The following CHD2 variants were observed in gnomAD, a reference collection of about 807,000 sequenced individuals.
The protein encoded by CHD2 is chromodomain helicase DNA binding protein 2.
Under a neutral mutation model 243.9 loss-of-function variants are expected in CHD2, and 28 were observed. That is an observed-to-expected ratio of 0.11 (90% CI 0.09 to 0.16). The LOEUF is 0.16. Ranked by LOEUF, CHD2 falls within the 10% of genes least tolerant of loss-of-function variation. The probability of loss-of-function intolerance (pLI) is 1.00; values close to 1 mark genes in which losing one functional copy is unlikely to be tolerated. For missense variants in CHD2, 1,386 were observed against 2,209.8 expected (o/e 0.63, Z 7.47); for synonymous variants, 775 against 779.0 (o/e 0.99, Z 0.09).
At chr15:93,012,903 G>C (rs1370438181) in intron 36 of CHD2, among the ~76,000 whole-genome samples, 1 of 152,242 alleles carries the variant, frequency 6.6e-6, no homozygotes, top group Non-Finnish European at 1.5e-5. Context: ...GATGGGTGCA[G>C]AAGTGACATG....
At chr15:92,965,802 A>C (rs1343287646) in intron 16 of CHD2, among the ~76,000 whole-genome samples, 2 of 152,060 alleles carry the variant, frequency 1.3e-5, no homozygotes, top group Non-Finnish European at 2.9e-5. Context: ...AGGCAGGTGA[A>C]AATATTTGTT....
At chr15:92,973,756 G>A (rs533798024) in intron 19 of CHD2, among the ~76,000 whole-genome samples, 8 of 152,224 alleles carry the variant, frequency 5.3e-5, no homozygotes, top group Admixed American at 2.0e-4. Flanking sequence ...AGAATGCATC[G>A]TTTTTCTCTC....
intron 2 of CHD2, among the ~76,000 whole-genome samples, chr15:92,911,562 A>G (rs28590319): frequency 0.23 from 35,116 of 151,992 alleles, 4,723 homozygotes; most frequent in East Asian, 0.62. Context: ...ACATGGTGAA[A>G]CCCTGTGTCT....
chr15:92,956,361 C>A, intron 15 of CHD2, 98 bp from the exon 16 acceptor site: 1 of 853,686 alleles, frequency 1.2e-6, no homozygotes, highest in Non-Finnish European at 1.9e-6. Flanking sequence ...TCAATTTATA[C>A]CTTTGTAATG....
intron 10 of CHD2, chr15:92,945,322 AG>A (rs1165291446): frequency 2.6e-5 from 4 of 152,298 alleles, no homozygotes; most frequent in Non-Finnish European, 4.4e-5. Context: ...TTTCTTACAA[AG>A]GGGAACAGAG....
chr15:92,957,913 T>C (rs1173568389), intron 16 of CHD2, among the ~76,000 whole-genome samples: 1 of 152,192 alleles, frequency 6.6e-6, no homozygotes, highest in Non-Finnish European at 1.5e-5. Flanking sequence ...AGTGGAATCC[T>C]AATATGTAGG....
At chr15:92,974,591 G>A (rs2053883420) in intron 19 of CHD2, 1 of 298,452 alleles carries the variant, frequency 3.4e-6, no homozygotes, top group African/African-American at 2.2e-5. Context: ...CACAGGTTGG[G>A]TTTTCGTCTT....
chr15:92,957,653 T>C (rs1038957386), intron 16 of CHD2, among the ~76,000 whole-genome samples: 28 of 146,280 alleles, frequency 1.9e-4, no homozygotes, highest in African/African-American at 6.7e-4. Flanking sequence ...CTCTACAATC[T>C]TTTTTTTTTT....
intron 38 of CHD2, 200 bp downstream of exon 38, chr15:93,020,458 G>C (rs2054520832): frequency 3.0e-6 from 2 of 659,744 alleles, no homozygotes; most frequent in Non-Finnish European, 5.1e-6. Context: ...CATTTCACCT[G>C]TGCAGGAAAA....
At chr15:92,981,987 A>C (rs543755376) in intron 24 of CHD2, among the ~76,000 whole-genome samples, 3 of 152,242 alleles carry the variant, frequency 2.0e-5, no homozygotes, top group Admixed American at 2.0e-4. Context: ...CAGAGTATCA[A>C]TGTTATTAAA....
intron 5 of CHD2, among the ~76,000 whole-genome samples, chr15:92,930,499 C>G (rs569118088): frequency 1.0e-3 from 153 of 152,244 alleles, no homozygotes; most frequent in African/African-American, 3.7e-3. Context: ...GTGGCTTGAT[C>G]TCAGCTCACT....
At chr15:92,941,687 G>A (rs995222483) in intron 7 of CHD2, 135 bp from the exon 8 acceptor site, 14 of 847,618 alleles carry the variant, frequency 1.7e-5, no homozygotes, top group Non-Finnish European at 2.2e-5. Flanking sequence ...TGAGCCTACT[G>A]TAAATGGCAG....
chr15:92,977,610 T>TG (rs201915192), intron 20 of CHD2, among the ~76,000 whole-genome samples: 1,699 of 152,338 alleles, frequency 0.011, 29 homozygotes, highest in African/African-American at 0.039. Flanking sequence ...CTACTGTCAT[T>TG]GCTGTGGATA....
At chr15:92,913,543 C>T (rs2052780309) in intron 2 of CHD2, among the ~76,000 whole-genome samples, 1 of 152,154 alleles carries the variant, frequency 6.6e-6, no homozygotes, top group Non-Finnish European at 1.5e-5. Flanking sequence ...AACAAATTAT[C>T]CAGCCTCAGG....
intron 13 of CHD2, among the ~76,000 whole-genome samples, chr15:92,950,112 G>T (rs150941202): frequency 2.0e-5 from 3 of 152,320 alleles, no homozygotes; most frequent in Admixed American, 6.5e-5. Context: ...GCCTGGGCAC[G>T]TTCGGACATG....
Position 92,912,651 on chromosome 15 carries a change from A to C in CHD2, c.62+11352A>C, listed in dbSNP as rs150872746. ...TGGGTTCAAGTGATTCTCCTGCCTC[A>C]GCCTTCTGAGTAGCTGGGACCACAG... On this transcript the variant is annotated intron_variant, in intron 2 of 38. Coordinates refer to ENST00000394196, the MANE Select transcript of CHD2 (RefSeq NM_001271.4). Among the ~76,000 whole-genome samples the C allele has an allele frequency of 5.0e-3, 768 of 152,346 alleles. 9 individuals carry two copies. Among genetic ancestry groups the C allele is most frequent in the African/African-American group, 0.018 (748 of 41,574 alleles).
chr15:93,014,189 C>G (rs909086814), intron 36 of CHD2, among the ~76,000 whole-genome samples: 1 of 151,892 alleles, frequency 6.6e-6, no homozygotes. Context: ...GGATTTGGGT[C>G]ACTTTATTTT....
chr15:92,984,898 A>G (rs1049900426), intron 25 of CHD2, among the ~76,000 whole-genome samples: 13 of 152,266 alleles, frequency 8.5e-5, no homozygotes, highest in Admixed American at 5.9e-4. Context: ...TTATATAACT[A>G]TAAATAAGAA....
At chr15:92,942,536 T>G (rs1379547900) in intron 8 of CHD2, among the ~76,000 whole-genome samples, 1 of 152,014 alleles carries the variant, frequency 6.6e-6, no homozygotes, top group Non-Finnish European at 1.5e-5. Flanking sequence ...GAGGGATTTG[T>G]TTTCCGAGTT....
Sources: gnomAD v4.1 joint callset for allele counts (sites outside exome capture counted in the v4.1 genomes callset) on GRCh38, gnomAD v4.1.1 for gene constraint, MANE v1.5 for transcripts, NCBI Gene and HGNC (gene_info 2026-07-23, HGNC 2026-07-21) for gene names.